TINAG: variants seen among roughly 807,000 people sequenced by gnomAD.
The protein encoded by TINAG is tubulointerstitial nephritis antigen.
In TINAG, 83 loss-of-function variants were observed where a neutral mutation model predicts 72.7. That is an observed-to-expected ratio of 1.14 (90% CI 0.96 to 1.37). The LOEUF (loss-of-function observed/expected upper bound fraction) is 1.37, where lower values mean the gene tolerates loss of function less well. Ranked by LOEUF, TINAG falls within the 40% of genes most tolerant of loss-of-function variation. TINAG has a pLI of 0.00. For missense variants in TINAG, 685 were observed against 576.6 expected (o/e 1.19, Z -1.93); for synonymous variants, 234 against 189.9 (o/e 1.23, Z -1.91).
chr6:54,327,130 G>A (rs1176311989), intron 4 of TINAG: 1 of 1,548,962 alleles, frequency 6.5e-7, no homozygotes, highest in East Asian at 2.4e-5. Flanking sequence ...ATTAGACATA[G>A]TCTCCTTTAG....
intron 1 of TINAG, among the ~76,000 whole-genome samples, chr6:54,316,411 C>G (rs1452036819): frequency 6.6e-6 from 1 of 152,082 alleles, no homozygotes; most frequent in Non-Finnish European, 1.5e-5. Flanking sequence ...TGAATTTTAA[C>G]AATAAAACCC....
chr6:54,357,514 C>T (rs1340392061), intron 9 of TINAG, among the ~76,000 whole-genome samples: 1 of 151,958 alleles, frequency 6.6e-6, no homozygotes, highest in Non-Finnish European at 1.5e-5. Flanking sequence ...CTGATCTTCT[C>T]CCTTTATTCT....
chr6:54,360,841 G>GTT lies in TINAG; in HGVS notation c.1250+6235_1250+6236dup, dbSNP rs70983415. On this transcript the variant is annotated intron_variant, in intron 9 of 10. Transcript: ENST00000259782. ...GTTTCTTGTGTTTCACAGATACTGTGTTTTTTTTTTTTTTTTTTTTTTTTT... is the reference window on the plus strand; with the variant it reads ...GTTTCTTGTGTTTCACAGATACTGTGTTTTTTTTTTTTTTTTTTTTTTTTTTT... 4.0e-3 allele frequency among the ~76,000 whole-genome samples: 106 copies of GTT among 26,250 alleles called. 17 individuals are homozygous for GTT. The highest frequency in any genetic ancestry group is 7.2e-3 in the Admixed American group (12 of 1,668). 17.2% of individuals were successfully genotyped at this position (26,250 alleles called of 152,430 possible).
intron 1 of TINAG, among the ~76,000 whole-genome samples, chr6:54,311,215 C>T (rs1448314923): frequency 6.6e-6 from 1 of 152,126 alleles, no homozygotes; most frequent in Admixed American, 6.6e-5. Flanking sequence ...CTCTCCATGT[C>T]TCCGTGGACT....
chr6:54,340,427 A>G (rs1236043089), intron 4 of TINAG, among the ~76,000 whole-genome samples: 1 of 152,002 alleles, frequency 6.6e-6, no homozygotes, highest in Non-Finnish European at 1.5e-5. Flanking sequence ...CAAATGTATC[A>G]TTCATTAAAG....
intron 4 of TINAG, among the ~76,000 whole-genome samples, chr6:54,330,988 C>A (rs542584271): frequency 1.4e-4 from 21 of 152,206 alleles, no homozygotes; most frequent in African/African-American, 5.1e-4. Flanking sequence ...CCAAAAAAGT[C>A]TAGGACCAGA....
intron 9 of TINAG, among the ~76,000 whole-genome samples, chr6:54,355,307 T>A (rs1762998874): frequency 6.6e-6 from 1 of 151,892 alleles, no homozygotes; most frequent in Admixed American, 6.6e-5. Flanking sequence ...AAGTTTTATT[T>A]TCCATCTAAA....
intron 1 of TINAG, among the ~76,000 whole-genome samples, chr6:54,315,984 A>G (rs1415000984): frequency 6.6e-6 from 1 of 152,236 alleles, no homozygotes; most frequent in Non-Finnish European, 1.5e-5. Flanking sequence ...TTTGCCACGT[A>G]TACTGACAGT....
At chr6:54,357,159 C>T (rs528300669) in intron 9 of TINAG, among the ~76,000 whole-genome samples, 2 of 151,970 alleles carry the variant, frequency 1.3e-5, no homozygotes, top group South Asian at 2.1e-4. Flanking sequence ...CAGACCTGCC[C>T]ATCCTCTTCA....
intron 10 of TINAG, 96 bp from the exon 11 acceptor site, chr6:54,389,695 A>C: frequency 7.1e-7 from 1 of 1,407,244 alleles, no homozygotes; most frequent in Non-Finnish European, 9.5e-7. Context: ...ATGATAAATC[A>C]AAGGCATTTA....
Position 54,315,644 on chromosome 6 carries a change from T to G in TINAG, c.356-4935T>G, listed in dbSNP as rs571834927. ...GTGAGCTATCATTCCACCAATGCAC[T>G]CTAGCCTGGATGACAGAATAAGACC... On this transcript the variant is annotated intron_variant, in intron 1 of 10. Transcript: ENST00000259782. Among the ~76,000 whole-genome samples the G allele has an allele frequency of 2.0e-5, 3 of 151,444 alleles. No individual in the cohort carries two copies. In the South Asian group the frequency reaches 6.3e-4, roughly 32 times the overall value.
intron 6 of TINAG, among the ~76,000 whole-genome samples, chr6:54,347,838 G>C (rs952866548): frequency 2.6e-5 from 4 of 151,874 alleles, no homozygotes; most frequent in African/African-American, 9.7e-5. Context: ...AAATAATCAG[G>C]GTTGCTGATC....
intron 1 of TINAG, among the ~76,000 whole-genome samples, chr6:54,319,701 G>C (rs949148597): frequency 6.6e-6 from 1 of 152,024 alleles, no homozygotes; most frequent in African/African-American, 2.4e-5. Context: ...TAAACCTATA[G>C]TTTGCCCTAT....
Position 54,345,937 on chromosome 6 carries a change from GA to G in TINAG, c.749-1422del, listed in dbSNP as rs202126688. Among the ~76,000 whole-genome samples the G allele has an allele frequency of 1.9e-3, 281 of 151,196 alleles. 1 individual carries two copies. The highest frequency in any genetic ancestry group is 6.8e-3 in the Middle Eastern group (2 of 294). ...TTCAGGACACTAACAATTTTGATGA[GA>G]AAAAAAATAAACTTTCACTAAGAAA... On this transcript the variant is annotated intron_variant, in intron 5 of 10. Coordinates refer to ENST00000259782, the MANE Select transcript of TINAG (RefSeq NM_014464.4).
chr6:54,329,861 C>A (rs1784695631), intron 4 of TINAG, among the ~76,000 whole-genome samples: 3 of 151,670 alleles, frequency 2.0e-5, no homozygotes, highest in Non-Finnish European at 2.9e-5. Flanking sequence ...AAAGAAAGAT[C>A]AAAAAAGACC....
chr6:54,320,422 C>T (rs901071298), intron 1 of TINAG, among the ~76,000 whole-genome samples, 157 bp from the exon 2 acceptor site: 2 of 152,154 alleles, frequency 1.3e-5, no homozygotes, highest in African/African-American at 4.8e-5. Context: ...GATATACACA[C>T]CTTGACACAA....
At chr6:54,315,373 G>T (rs1248655858) in intron 1 of TINAG, among the ~76,000 whole-genome samples, 1 of 151,906 alleles carries the variant, frequency 6.6e-6, no homozygotes, top group East Asian at 1.9e-4. Flanking sequence ...TCCAGTAAAG[G>T]ATTTCAAATG....
chr6:54,323,789 A>G (rs1461613775), intron 3 of TINAG, among the ~76,000 whole-genome samples: 1 of 152,048 alleles, frequency 6.6e-6, no homozygotes, highest in Non-Finnish European at 1.5e-5. Flanking sequence ...CCCCATCTCT[A>G]CCAGAAATAC....
chr6:54,308,765 C>T lies in TINAG; in HGVS notation c.215C>T (p.Thr72Ile), dbSNP rs562689606. The stretch of plus-strand genomic sequence containing the variant: ...GAAGACAGAGATGATGGCTGTGTCA[C>T]TGAGTTCTATGCGGCGAATGCGTTG... ...CCEDRDDGCV[T>I]EFYAANALCY... The change falls in exon 1 of 11, where the codon ACT becomes ATT. Residue 72 changes from threonine (T) to isoleucine (I), a missense_variant. Coordinates refer to ENST00000259782, the MANE Select transcript of TINAG (RefSeq NM_014464.4). 1 of 1,613,832 alleles carries T rather than the reference C, an allele frequency of 6.2e-7. No homozygotes were observed. The highest frequency in any genetic ancestry group is 1.1e-5 in the South Asian group (1 of 91,078).
Sources: gnomAD v4.1 joint callset for allele counts (sites outside exome capture counted in the v4.1 genomes callset) on GRCh38, gnomAD v4.1.1 for gene constraint, MANE v1.5 for transcripts, NCBI Gene and HGNC (gene_info 2026-07-23, HGNC 2026-07-21) for gene names.